Variants in GRID1 observed in about 807,000 individuals in gnomAD.
GRID1 encodes the protein glutamate ionotropic receptor delta type subunit 1.
Under a neutral mutation model 98.0 loss-of-function variants are expected in GRID1, and 28 were observed. That is an observed-to-expected ratio of 0.29 (90% CI 0.21 to 0.39). GRID1 has a LOEUF of 0.39. Among genes scored for constraint, GRID1 ranks in the 10% least tolerant of loss-of-function variants. The pLI, the probability that GRID1 is intolerant of heterozygous loss-of-function variation, is 1.00. For synonymous variants in GRID1, 553 were observed against 538.5 expected, an observed-to-expected ratio of 1.03 and a Z score of -0.37; for missense variants, 1,111 against 1,340.5, an observed-to-expected ratio of 0.83 and a Z score of 2.67.
At chr10:86,100,420 A>G (rs75040840) in intron 4 of GRID1, among the ~76,000 whole-genome samples, 93 of 152,200 alleles carry the variant, frequency 6.1e-4, no homozygotes, top group Non-Finnish European at 1.1e-3. Flanking sequence ...TAAAAAAAAA[A>G]CAAATAAATG....
At chr10:86,290,874 G>A (rs1311553866) in intron 2 of GRID1, among the ~76,000 whole-genome samples, 1 of 152,132 alleles carries the variant, frequency 6.6e-6, no homozygotes, top group Admixed American at 6.5e-5. Context: ...TAATAGACCA[G>A]CAAGAGAGAA....
At chr10:85,660,193 G>A (rs1431869499) in intron 12 of GRID1, among the ~76,000 whole-genome samples, 1 of 152,220 alleles carries the variant, frequency 6.6e-6, no homozygotes, top group East Asian at 1.9e-4. Flanking sequence ...CAATGCCTGG[G>A]GGGCATCAAT....
At chr10:85,734,674 C>T (rs1841859929) in intron 8 of GRID1, among the ~76,000 whole-genome samples, 1 of 152,124 alleles carries the variant, frequency 6.6e-6, no homozygotes, top group Admixed American at 6.5e-5. Flanking sequence ...ATTATTCCCT[C>T]ACATCAGACA....
At chr10:86,059,061 C>G (rs1428804239) in intron 4 of GRID1, among the ~76,000 whole-genome samples, 1 of 152,070 alleles carries the variant, frequency 6.6e-6, no homozygotes, top group South Asian at 2.1e-4. Context: ...GAGGAGGAGG[C>G]AGGGGAAAAG....
At chr10:86,291,813 G>A (rs543292233) in intron 2 of GRID1, among the ~76,000 whole-genome samples, 15 of 152,260 alleles carry the variant, frequency 9.9e-5, no homozygotes, top group African/African-American at 3.1e-4. Flanking sequence ...CATGACACAC[G>A]GACACAGCAC....
rs1842754925 is a variant in GRID1 at position 85,613,426 on chromosome 10, T to G, written c.2582A>C (p.His861Pro). 2 of 1,613,240 alleles carry G rather than the reference T, an allele frequency of 1.2e-6. No homozygotes were observed. Among genetic ancestry groups the G allele is most frequent in the South Asian group, 2.2e-5 (2 of 91,026 alleles). ...LELWWNSNRCHQETPKEDKEV... is the reference protein window; with the variant it reads ...LELWWNSNRCPQETPKEDKEV... ...GCTGACCTCCTTGGGGGTCTCCTGG[T>G]GGCACCGGTTGCTGTTCCACCACAA... is the stretch of plus-strand genomic sequence containing the variant. Residue 861 changes from histidine to proline, a missense_variant, in exon 15 of 16, where the codon CAC becomes CCC. Transcript: ENST00000327946.
At chr10:85,831,290 T>A (rs1198490458) in intron 8 of GRID1, among the ~76,000 whole-genome samples, 6 of 151,672 alleles carry the variant, frequency 4.0e-5, no homozygotes, top group Non-Finnish European at 8.8e-5. Context: ...TACATGAGGG[T>A]GGAGGGTGGG....
At position 85,724,506 on chromosome 10, in the gene GRID1, G is replaced by A; in HGVS notation, c.1704C>T (p.Cys568=). ...CAACCACAGGGATGGCTGCTGCAAT[G>A]CAGGCCCACACAGCGAAATCAAATG... ...FAPFDFAVWA[C]IAAAIPVVGV... The change falls in exon 11 of 16, where the codon TGC becomes TGT. Residue 568 remains cysteine (C), a synonymous_variant. Transcript: ENST00000327946. The A allele has an allele frequency of 6.2e-7, 1 of 1,614,106 alleles. No homozygotes were observed. The highest frequency in any genetic ancestry group is 8.5e-7 in the Non-Finnish European group (1 of 1,180,008).
At chr10:86,046,861 CAAA>C (rs199526669) in intron 4 of GRID1, among the ~76,000 whole-genome samples, 21 of 107,642 alleles carry the variant, frequency 2.0e-4, no homozygotes, top group East Asian at 1.0e-3. Context: ...AAGCCCATTT[CAAA>C]AAAAAAAAAA....
At chr10:86,052,841 A>G (rs1373392098) in intron 4 of GRID1, among the ~76,000 whole-genome samples, 2 of 152,244 alleles carry the variant, frequency 1.3e-5, no homozygotes, top group Non-Finnish European at 2.9e-5. Flanking sequence ...TAAAACTAAT[A>G]TGTATGTGCA....
intron 4 of GRID1, among the ~76,000 whole-genome samples, chr10:85,956,726 T>G (rs1313976150): frequency 6.6e-6 from 1 of 152,058 alleles, no homozygotes; most frequent in Non-Finnish European, 1.5e-5. Flanking sequence ...CATTTAGGAG[T>G]GCAGAACAGA....
chr10:86,321,583 T>C (rs1847971345), intron 2 of GRID1, among the ~76,000 whole-genome samples: 1 of 152,008 alleles, frequency 6.6e-6, no homozygotes, highest in Admixed American at 6.6e-5. Flanking sequence ...GCAAAGCATA[T>C]CCGGGAGAGG....
intron 5 of GRID1, among the ~76,000 whole-genome samples, chr10:85,880,848 T>C (rs1411086906): frequency 6.6e-6 from 1 of 152,192 alleles, no homozygotes; most frequent in Non-Finnish European, 1.5e-5. Context: ...TGTTTGCAGA[T>C]AACATGATTG....
At chr10:86,364,355 C>G (rs759013379) in intron 1 of GRID1, among the ~76,000 whole-genome samples, 1 of 152,216 alleles carries the variant, frequency 6.6e-6, no homozygotes, top group African/African-American at 2.4e-5. Context: ...CAGGCTGCCA[C>G]CAGGTCACAC....
chr10:86,238,377 G>T (rs1554864266), intron 2 of GRID1, among the ~76,000 whole-genome samples: 1 of 152,176 alleles, frequency 6.6e-6, no homozygotes, highest in Non-Finnish European at 1.5e-5. Context: ...AAAGGGCCAA[G>T]GTGGCCAGGG....
intron 4 of GRID1, among the ~76,000 whole-genome samples, chr10:86,089,325 C>T (rs945709566): frequency 2.6e-5 from 4 of 152,174 alleles, no homozygotes; most frequent in African/African-American, 9.7e-5. Context: ...CCAGCAGCAA[C>T]ACAGAACCTC....
chr10:86,070,171 C>G (rs1051796625), intron 4 of GRID1, among the ~76,000 whole-genome samples: 2 of 152,174 alleles, frequency 1.3e-5, no homozygotes, highest in Non-Finnish European at 2.9e-5. Context: ...GCCTGTTATT[C>G]CTCCTCAGAG....
At chr10:86,177,048 G>A (rs183804262) in intron 3 of GRID1, among the ~76,000 whole-genome samples, 109 of 151,964 alleles carry the variant, frequency 7.2e-4, no homozygotes, top group Middle Eastern at 3.4e-3. Flanking sequence ...AGTTTCCACC[G>A]TATCACTGTC....
At chr10:85,650,216 G>C (rs11201716) in intron 12 of GRID1, 10,719 of 152,328 alleles carry the variant, frequency 0.07, 519 homozygotes, top group African/African-American at 0.13. Flanking sequence ...CAAGCCAACA[G>C]TGGTAGTCAG....
Sources: gnomAD v4.1 joint callset for allele counts (sites outside exome capture counted in the v4.1 genomes callset) on GRCh38, gnomAD v4.1.1 for gene constraint, MANE v1.5 for transcripts, NCBI Gene and HGNC (gene_info 2026-07-23, HGNC 2026-07-21) for gene names.